Variants in PLD5 observed in about 807,000 individuals in gnomAD.
PLD5 encodes the protein phospholipase D family member 5.
PLD5 carries 36 observed loss-of-function variants against 61.1 expected under a neutral mutation model. That is an observed-to-expected ratio of 0.59 (90% CI 0.45 to 0.78). The LOEUF (loss-of-function observed/expected upper bound fraction) is 0.78, where lower values mean the gene tolerates loss of function less well. Ranked by LOEUF, PLD5 falls within the 30% of genes least tolerant of loss-of-function variation. The pLI, the probability that PLD5 is intolerant of heterozygous loss-of-function variation, is 0.00. For missense variants in PLD5, 515 were observed against 644.4 expected (o/e 0.80, Z 2.17); for synonymous variants, 243 against 242.8 (o/e 1.00, Z -0.01).
intron 1 of PLD5, among the ~76,000 whole-genome samples, chr1:242,408,910 T>C (rs1337137795): frequency 6.6e-6 from 1 of 151,884 alleles, no homozygotes; most frequent in Non-Finnish European, 1.5e-5. Flanking sequence ...CTACTAAAAA[T>C]ACAAAAGTTA....
At chr1:242,123,146 A>C (rs1198287378) in intron 6 of PLD5, among the ~76,000 whole-genome samples, 1 of 152,204 alleles carries the variant, frequency 6.6e-6, no homozygotes, top group Non-Finnish European at 1.5e-5. Context: ...GTCCTCACTT[A>C]ATGACGCCGA....
rs1480451125 is a variant in PLD5 at position 242,397,779 on chromosome 1, TTCTTC to T, written c.190-49542_190-49538del. On this transcript the variant is annotated intron_variant, in intron 1 of 9. Transcript: ENST00000536534. Reference sequence around the variant, plus strand: ...TTCTTAGCACGTCTTTTTCTTCTTCTTCTTCTTTTTTTTTTTTTTGGTAGCCTCAA... The same window carrying T: ...TTCTTAGCACGTCTTTTTCTTCTTCTTTTTTTTTTTTTTTGGTAGCCTCAA... Among the ~76,000 whole-genome samples the T allele has an allele frequency of 3.4e-4, 49 of 144,058 alleles. 1 individual carries two copies. The highest frequency in any genetic ancestry group is 1.4e-3 in the South Asian group (6 of 4,418). The allele number at this position is 144,058 out of a possible 152,430, so 94.5% of individuals were successfully genotyped here. A position where few individuals can be genotyped will look rare whatever the true frequency, so the allele number is the denominator to read the frequency against.
chr1:242,162,883 G>A (rs1574424903), intron 5 of PLD5, among the ~76,000 whole-genome samples: 2 of 152,124 alleles, frequency 1.3e-5, no homozygotes, highest in Admixed American at 1.3e-4. Context: ...TAGCATGGCA[G>A]CAGAATATTC....
rs1353229310 is a variant in PLD5, at chr1:242,393,530, A to T, written c.190-45288T>A. The stretch of plus-strand genomic sequence containing the variant: ...TATGAGTATATATATATGTGTATAT[A>T]TGTGAGTATATATATGTGTATATAT... On this transcript the variant is annotated intron_variant, in intron 1 of 9. Coordinates refer to ENST00000536534, the MANE Select transcript of PLD5 (RefSeq NM_001372062.1). Among the ~76,000 whole-genome samples, 4 of 89,982 alleles carry T rather than the reference A, an allele frequency of 4.4e-5. 2 individuals carry two copies. The highest frequency in any genetic ancestry group is 2.0e-4 in the African/African-American group (4 of 19,576). The allele number at this position is 89,982 out of a possible 152,430, so 59.0% of individuals were successfully genotyped here.
chr1:242,389,571 G>T (rs1464446155), intron 1 of PLD5, among the ~76,000 whole-genome samples: 2 of 151,792 alleles, frequency 1.3e-5, no homozygotes, highest in Non-Finnish European at 2.9e-5. Flanking sequence ...CTGAGGGGGG[G>T]AAAATCTGTT....
intron 1 of PLD5, among the ~76,000 whole-genome samples, chr1:242,394,028 C>G (rs961422835): frequency 7.0e-6 from 1 of 143,544 alleles, no homozygotes; most frequent in Non-Finnish European, 1.5e-5. Context: ...CCACTGAACT[C>G]CAGCCTGGAT....
intron 2 of PLD5, among the ~76,000 whole-genome samples, chr1:242,321,966 C>T (rs1163125910): frequency 6.6e-6 from 1 of 152,178 alleles, no homozygotes; most frequent in South Asian, 2.1e-4. Flanking sequence ...AAACCCTGCT[C>T]ATCAAAACAC....
intron 1 of PLD5, among the ~76,000 whole-genome samples, chr1:242,472,406 C>T (rs555874703): frequency 1.3e-5 from 2 of 152,348 alleles, no homozygotes; most frequent in East Asian, 3.9e-4. Context: ...GCAAACCCTG[C>T]TGATCATTCT....
chr1:242,458,602 A>G lies in PLD5; in HGVS notation c.189+65486T>C, dbSNP rs1218301456. On this transcript the variant is annotated intron_variant, in intron 1 of 9. Transcript: ENST00000536534. ...GTGTTATAAGTAAATCCACCTTGTCACCTCAAAATATGTATACTATCTATA... is the reference window on the plus strand; with the variant it reads ...GTGTTATAAGTAAATCCACCTTGTCGCCTCAAAATATGTATACTATCTATA... 2.0e-5 allele frequency among the ~76,000 whole-genome samples: 3 copies of G among 152,218 alleles called. No homozygotes were observed. In the East Asian group the frequency reaches 5.8e-4, roughly 29 times the overall value.
At position 242,174,841 on chromosome 1, in the gene PLD5, C is replaced by T. The variant is rs541239652; in HGVS notation, c.735+45147G>A. Among the ~76,000 whole-genome samples, 274 of 152,018 alleles carry T rather than the reference C, an allele frequency of 1.8e-3. 1 individual carries two copies. Among genetic ancestry groups the T allele is most frequent in the Non-Finnish European group, 2.3e-3 (154 of 67,988 alleles). ...GCATGTTCTCACTCATAGGTGGGAA[C>T]TGAACAATGAGAACACCTGGACATA... On this transcript the variant is annotated intron_variant, in intron 5 of 9. Coordinates refer to ENST00000536534, the MANE Select transcript of PLD5 (RefSeq NM_001372062.1).
chr1:242,190,439 C>T (rs931851086), intron 5 of PLD5, among the ~76,000 whole-genome samples: 2 of 151,982 alleles, frequency 1.3e-5, no homozygotes, highest in African/African-American at 2.4e-5. Context: ...AGCCACCGCG[C>T]CCGGCCCATT....
At chr1:242,399,977 T>C (rs1198552465) in intron 1 of PLD5, among the ~76,000 whole-genome samples, 1 of 152,136 alleles carries the variant, frequency 6.6e-6, no homozygotes, top group Non-Finnish European at 1.5e-5. Context: ...AAGACCAGCC[T>C]GACCAACATG....
At chr1:242,438,448 T>A (rs1361815058) in intron 1 of PLD5, among the ~76,000 whole-genome samples, 1 of 146,912 alleles carries the variant, frequency 6.8e-6, no homozygotes, top group Non-Finnish European at 1.5e-5. Context: ...TCTTTTTTTT[T>A]TTTTTTTTTT....
chr1:242,237,767 T>C (rs978156733), intron 4 of PLD5, among the ~76,000 whole-genome samples: 1 of 152,210 alleles, frequency 6.6e-6, no homozygotes, highest in Non-Finnish European at 1.5e-5. Context: ...CACCTGTGCC[T>C]TACTTGCATC....
intron 5 of PLD5, among the ~76,000 whole-genome samples, chr1:242,201,131 CGGGGCAAGCAAT>C (rs1668960779): frequency 1.3e-5 from 2 of 152,094 alleles, no homozygotes; most frequent in African/African-American, 4.8e-5. Flanking sequence ...CATGTTAAAA[CGGGGCAAGCAAT>C]GGGGCTAAAT....
chr1:242,316,186 C>T (rs774671382), intron 2 of PLD5, among the ~76,000 whole-genome samples: 3 of 152,214 alleles, frequency 2.0e-5, no homozygotes, highest in Non-Finnish European at 4.4e-5. Flanking sequence ...TGCCAGTTGT[C>T]ATTAGTATTT....
chr1:242,316,205 A>C (rs1279106589), intron 2 of PLD5, among the ~76,000 whole-genome samples: 1 of 152,248 alleles, frequency 6.6e-6, no homozygotes, highest in African/African-American at 2.4e-5. Flanking sequence ...TTGAGCATTA[A>C]ATGATTTACT....
intron 2 of PLD5, among the ~76,000 whole-genome samples, chr1:242,321,215 TA>T (rs201672198): frequency 1.8e-4 from 27 of 146,564 alleles, no homozygotes; most frequent in Middle Eastern, 3.6e-3. Context: ...TGACCCATTC[TA>T]AAAAAAAAAT....
intron 3 of PLD5, among the ~76,000 whole-genome samples, chr1:242,277,903 C>T (rs923294549): frequency 6.6e-6 from 1 of 152,176 alleles, no homozygotes; most frequent in African/African-American, 2.4e-5. Context: ...GAACTGCTTG[C>T]ACCCGGGAGA....
Sources: allele counts gnomAD v4.1 joint callset (sites outside exome capture counted in the v4.1 genomes callset), GRCh38; gene constraint gnomAD v4.1.1; transcripts MANE v1.5; gene names NCBI Gene and HGNC (gene_info 2026-07-23, HGNC 2026-07-21).